Variants in BRD1 observed in about 807,000 individuals in gnomAD.
BRD1 encodes the protein bromodomain containing 1, also known as bromodomain-containing protein 1.
In BRD1, 24 loss-of-function variants were observed where a neutral mutation model predicts 107.7. That is an observed-to-expected ratio of 0.22 (90% confidence interval 0.16 to 0.31). The LOEUF (loss-of-function observed/expected upper bound fraction) is 0.31. Ranked by LOEUF, BRD1 falls within the 10% of genes least tolerant of loss-of-function variation. The pLI is 1.00. For missense variants in BRD1, 1,279 were observed against 1,638.6 expected, an observed-to-expected ratio of 0.78 and a Z score of 3.79; for synonymous variants, 744 against 686.1, an observed-to-expected ratio of 1.08 and a Z score of -1.32.
intron 2 of BRD1, among the ~76,000 whole-genome samples, chr22:49,821,977 C>T (rs545588226): frequency 2.6e-5 from 4 of 152,362 alleles, no homozygotes; most frequent in African/African-American, 7.2e-5. Flanking sequence ...GTGGGGGGCA[C>T]AGCACGGGAA....
At chr22:49,798,237 C>A in intron 5 of BRD1, 120 bp from the exon 6 acceptor site, 1 of 1,059,522 alleles carries the variant, frequency 9.4e-7, no homozygotes, top group African/African-American at 1.6e-5. Context: ...CACAGACACG[C>A]AGACGGTACA....
chr22:49,774,495 A>G, intron 12 of BRD1, 79 bp from the exon 13 acceptor site: 1 of 1,449,350 alleles, frequency 6.9e-7, no homozygotes, highest in Non-Finnish European at 9.4e-7. Context: ...CATCTAACAA[A>G]TTCACTGCCC....
chr22:49,787,271 G>A lies in BRD1; in HGVS notation c.2857+119C>T, dbSNP rs1173824923. ...CACTGTTGTCTTCTCTGGAAATTAA[G>A]AGAATGCTGCAAAAACAGAAGCTGG... On this transcript the variant is annotated intron_variant, in intron 8 of 12. Transcript: ENST00000404760. 3 of 1,298,216 alleles carry A rather than the reference G, an allele frequency of 2.3e-6. No homozygotes were observed. In the African/African-American group the frequency reaches 4.6e-5, roughly 20 times the overall value. The allele number at this position is 1,298,216 out of a possible 1,614,324, so 80.4% of individuals were successfully genotyped here. A position where few individuals can be genotyped will look rare whatever the true frequency, so the allele number is the denominator to read the frequency against.
At chr22:49,776,258 C>T (rs1601596428) in intron 10 of BRD1, 99 bp from the exon 11 acceptor site, 26 of 1,027,006 alleles carry the variant, frequency 2.5e-5, no homozygotes, top group East Asian at 1.3e-4. Context: ...GTCCCCCGAG[C>T]ACAGCCCAGC....
rs1387290839 is a variant in BRD1, at chr22:49,827,720, TCGGGGCCCAGCTGGAGGCCCGGCTCG to T, written c.-264_-239del. Among the ~76,000 whole-genome samples, 1 of 141,146 alleles carries T rather than the reference TCGGGGCCCAGCTGGAGGCCCGGCTCG, an allele frequency of 7.1e-6. No homozygotes were observed. The highest frequency in any genetic ancestry group is 1.6e-5 in the Non-Finnish European group (1 of 64,386). 92.6% of individuals were successfully genotyped at this position (141,146 alleles called of 152,430 possible). ...CGGCTCGCGCGGCGCGGGCTCGGGC[TCGGGGCCCAGCTGGAGGCCCGGCTCG>T]GGGGGCCCGGCCGGCGGGCGCGGGC... On this transcript the variant is annotated 5_prime_UTR_variant, in exon 1 of 13. Transcript: ENST00000404760.
At chr22:49,781,240 G>A (rs148376124) in intron 8 of BRD1, among the ~76,000 whole-genome samples, 2,631 of 152,282 alleles carry the variant, frequency 0.017, 78 homozygotes, top group African/African-American at 0.061. Context: ...GTGTCCCACA[G>A]CCCAGCCAAG....
intron 2 of BRD1, among the ~76,000 whole-genome samples, chr22:49,814,075 C>T (rs191982059): frequency 1.3e-5 from 2 of 152,052 alleles, no homozygotes; most frequent in African/African-American, 4.8e-5. Flanking sequence ...GGCCAGGACT[C>T]GCTTCAAAAC....
intron 8 of BRD1, among the ~76,000 whole-genome samples, chr22:49,778,765 C>A (rs2059149316): frequency 6.6e-6 from 1 of 152,274 alleles, no homozygotes; most frequent in South Asian, 2.1e-4. Flanking sequence ...GGGTTCACGC[C>A]ATTCTCCTGC....
At chr22:49,774,513 G>A in intron 12 of BRD1, 97 bp from the exon 13 acceptor site, 1 of 1,346,192 alleles carries the variant, frequency 7.4e-7, no homozygotes, top group Non-Finnish European at 1.0e-6. Context: ...CCCTCCGATA[G>A]AAAGGGGCCC....
At chr22:49,788,021 T>A in intron 7 of BRD1, 134 bp from the exon 8 acceptor site, 1 of 930,462 alleles carries the variant, frequency 1.1e-6, no homozygotes, top group Non-Finnish European at 1.5e-6. Context: ...TACTGTCTGC[T>A]CGGCAGTGTG....
chr22:49,781,725 C>T lies in BRD1; in HGVS notation c.2858-3912G>A, dbSNP rs116535214. Among the ~76,000 whole-genome samples the T allele has an allele frequency of 8.1e-3, 1,230 of 152,402 alleles. 21 individuals carry two copies. Among genetic ancestry groups the T allele is most frequent in the African/African-American group, 0.028 (1,152 of 41,598 alleles). ...ACCCTGAAGACCAGAGCCCTGAGGGCCCCACGCAGTGACAAAGGAGAGCCC... is the reference window on the plus strand; with the variant it reads ...ACCCTGAAGACCAGAGCCCTGAGGGTCCCACGCAGTGACAAAGGAGAGCCC... On this transcript the variant is annotated intron_variant, in intron 8 of 12. Coordinates refer to ENST00000404760, the MANE Select transcript of BRD1 (RefSeq NM_001304808.3).
chr22:49,802,932 A>C (rs2147189901), intron 3 of BRD1, among the ~76,000 whole-genome samples: 1 of 152,366 alleles, frequency 6.6e-6, no homozygotes, highest in East Asian at 1.9e-4. Flanking sequence ...ACACGTGAGG[A>C]TCTCACTTGG....
Position 49,773,818 on chromosome 22 carries a change from C to T in BRD1, c.*415G>A, listed in dbSNP as rs2146883883. ...ATAACTTTATTCTCCCCTCTTTCCA[C>T]AAAGTACCATTCAAAATAATGTCAT... On this transcript the variant is annotated 3_prime_UTR_variant, in exon 13 of 13. Transcript: ENST00000404760. 6.4e-6 allele frequency: 1 copy of T among 155,102 alleles called. No homozygotes were observed. Among genetic ancestry groups the T allele is most frequent in the Non-Finnish European group, 1.4e-5 (1 of 69,732 alleles). 9.6% of individuals were successfully genotyped at this position (155,102 alleles called of 1,614,324 possible).
chr22:49,787,299 ACCC>A (rs138839), intron 8 of BRD1, 88 bp downstream of exon 8: 580 of 544,700 alleles, frequency 1.1e-3, no homozygotes, highest in East Asian at 2.0e-3. Context: ...GAAGCTGGAC[ACCC>A]CCCCCCCCCC....
At chr22:49,808,222 T>A (rs537132631) in intron 2 of BRD1, among the ~76,000 whole-genome samples, 8 of 152,168 alleles carry the variant, frequency 5.3e-5, no homozygotes, top group Non-Finnish European at 1.2e-4. Flanking sequence ...CAGATACTTA[T>A]CACCCATGTT....
chr22:49,794,480 AG>A (rs1234264263), intron 6 of BRD1, among the ~76,000 whole-genome samples, 186 bp from the exon 7 acceptor site: 1 of 152,262 alleles, frequency 6.6e-6, no homozygotes, highest in Non-Finnish European at 1.5e-5. Context: ...CTGCTGCTAC[AG>A]GAACACACTG....
chr22:49,777,326 G>C (rs2059121356), intron 9 of BRD1, among the ~76,000 whole-genome samples, 165 bp from the exon 10 acceptor site: 1 of 152,244 alleles, frequency 6.6e-6, no homozygotes, highest in Non-Finnish European at 1.5e-5. Flanking sequence ...GAGTGAACCT[G>C]TGGCAGGGGG....
Position 49,825,155 on chromosome 22 carries a change from G to A in BRD1, c.-14-824C>T, listed in dbSNP as rs77991303. 1.8e-3 allele frequency among the ~76,000 whole-genome samples: 269 copies of A among 152,166 alleles called. 1 individual carries two copies. Among genetic ancestry groups the A allele is most frequent in the East Asian group, 0.017 (90 of 5,172 alleles). Reference sequence around the variant, plus strand: ...CCACTGAGACCATGGTGCTGGCCACGTCCTCCTCCTTCCACGTCCTCCTCC... The same window carrying A: ...CCACTGAGACCATGGTGCTGGCCACATCCTCCTCCTTCCACGTCCTCCTCC... On this transcript the variant is annotated intron_variant, in intron 1 of 12. Transcript: ENST00000404760.
rs1418543976 is a variant in BRD1, at chr22:49,776,173, C to T, written c.3122-14G>A. The T allele has an allele frequency of 3.1e-6, 5 of 1,599,394 alleles. No homozygotes were observed. The highest frequency in any genetic ancestry group is 2.2e-5 in the East Asian group (1 of 44,798). On this transcript the variant is annotated splice_polypyrimidine_tract_variant and intron_variant, in intron 10 of 12. Transcript: ENST00000404760. ...TCTGGCCGACTTCTGCGGAGAGGGG[C>T]GTCAGCAGGACACAGGCGTCAGCAG...
Sources: allele counts gnomAD v4.1 joint callset (sites outside exome capture counted in the v4.1 genomes callset), GRCh38; gene constraint gnomAD v4.1.1; transcripts MANE v1.5; gene names NCBI Gene and HGNC (gene_info 2026-07-23, HGNC 2026-07-21).